Variants in SCYL2 observed in about 807,000 individuals in gnomAD.
SCYL2 encodes SCY1-like protein 2.
A neutral mutation model predicts 100.4 loss-of-function variants in SCYL2; 36 were observed. That is an observed-to-expected ratio of 0.36 (90% CI 0.27 to 0.47). SCYL2 has a LOEUF of 0.47. Ranked by LOEUF, SCYL2 falls within the 20% of genes least tolerant of loss-of-function variation. The pLI is 1.00. For synonymous variants in SCYL2, 330 were observed against 359.2 expected (o/e 0.92, Z 0.92); for missense variants, 902 against 1,083.9 (o/e 0.83, Z 2.36).
intron 1 of SCYL2, among the ~76,000 whole-genome samples, chr12:100,273,168 A>G (rs571618635): frequency 4.6e-4 from 70 of 151,998 alleles, no homozygotes; most frequent in Non-Finnish European, 7.2e-4. Context: ...TTACTACTCA[A>G]TGTCCTTGGT....
intron 8 of SCYL2, among the ~76,000 whole-genome samples, chr12:100,314,905 A>G (rs17030087): frequency 0.025 from 3,781 of 152,270 alleles, 150 homozygotes; most frequent in African/African-American, 0.086. Context: ...TTGTCTCACC[A>G]GCAGTTAAAG....
chr12:100,288,908 A>G (rs190982986), intron 2 of SCYL2, among the ~76,000 whole-genome samples: 74 of 151,816 alleles, frequency 4.9e-4, no homozygotes, highest in Admixed American at 1.9e-3. Context: ...TTGAGATGGA[A>G]TCTCACTGTG....
At chr12:100,329,814 G>A (rs139867782) in intron 13 of SCYL2, among the ~76,000 whole-genome samples, 2 of 152,264 alleles carry the variant, frequency 1.3e-5, no homozygotes, top group Non-Finnish European at 2.9e-5. Context: ...ACTTCTAAGC[G>A]CACTTACGTG....
At chr12:100,315,771 T>TA (rs1435882237) in intron 9 of SCYL2, 37 bp downstream of exon 9, 14 of 1,326,626 alleles carry the variant, frequency 1.1e-5, no homozygotes, top group Non-Finnish European at 1.5e-5. Context: ...TATCTACTGT[T>TA]ATTTATGATT....
At chr12:100,311,255 G>A in intron 5 of SCYL2, 62 bp downstream of exon 5, 1 of 1,511,780 alleles carries the variant, frequency 6.6e-7, no homozygotes, top group Non-Finnish European at 8.9e-7. Context: ...CATCTGGAAT[G>A]GACTAGAAAT....
intron 10 of SCYL2, among the ~76,000 whole-genome samples, chr12:100,322,394 GA>G (rs1240542286): frequency 7.8e-6 from 1 of 128,804 alleles, no homozygotes; most frequent in Non-Finnish European, 1.7e-5. Context: ...AAAAAAAAAA[GA>G]AAACTAAAAA....
intron 1 of SCYL2, among the ~76,000 whole-genome samples, chr12:100,277,318 C>G (rs1387211443): frequency 6.6e-6 from 1 of 152,196 alleles, no homozygotes; most frequent in African/African-American, 2.4e-5. Flanking sequence ...TGATTTTTCT[C>G]TCTGCTTCGT....
rs773015265 is a variant in SCYL2 at position 100,335,901 on chromosome 12, A to G, written c.2020A>G (p.Lys674Glu). 1.9e-6 allele frequency: 3 copies of G among 1,610,274 alleles called. No homozygotes were observed. Among genetic ancestry groups the G allele is most frequent in the African/African-American group, 2.7e-5 (2 of 74,960 alleles). ...AGAGGACGGGTTACAGAATAAACAT[A>G]AAAGAGTGAGTTTCCTTACTGTTCT... ...NKEDGLQNKHKRASLTLEEKQ... is the reference protein window; with the variant it reads ...NKEDGLQNKHERASLTLEEKQ... The change falls in exon 16 of 18, where the codon AAA becomes GAA. Residue 674 changes from lysine (K) to glutamate (E), a missense_variant. By Grantham distance (56) the Lys-to-Glu change is moderately conservative. Transcript: ENST00000360820.
intron 3 of SCYL2, among the ~76,000 whole-genome samples, chr12:100,292,889 C>G (rs2096312285): frequency 2.6e-5 from 4 of 152,216 alleles, no homozygotes; most frequent in Admixed American, 6.5e-5. Context: ...GCCATCATAG[C>G]TCACTGCAGC....
At chr12:100,316,228 A>C (rs997703692) in intron 9 of SCYL2, among the ~76,000 whole-genome samples, 5 of 152,232 alleles carry the variant, frequency 3.3e-5, no homozygotes, top group Non-Finnish European at 7.3e-5. Flanking sequence ...TAATGTGTAT[A>C]TGTATTGTAA....
rs1952352433 is a variant in SCYL2 at position 100,341,494 on chromosome 12, A to C, written c.*2322A>C. ...GTGTGATATATAGAGAGGATGTATA[A>C]AAGGAAATGGAAATAGACTATGTAC... is the stretch of plus-strand genomic sequence containing the variant. On this transcript the variant is annotated 3_prime_UTR_variant, in exon 18 of 18. Transcript: ENST00000360820. The C allele has an allele frequency of 6.6e-6, 1 of 152,166 alleles. No individual in the cohort carries two copies. The highest frequency in any genetic ancestry group is 2.1e-4 in the South Asian group (1 of 4,832). 9.4% of individuals were successfully genotyped at this position (152,166 alleles called of 1,614,324 possible). A position where few individuals can be genotyped will look rare whatever the true frequency, so the allele number is the denominator to read the frequency against.
rs117356610 is a variant in SCYL2, at chr12:100,339,044, G to A, written c.2662G>A (p.Val888Met). Residue 888 changes from valine to methionine, a missense_variant, in exon 18 of 18, where the codon GTG (valine) becomes ATG (methionine). Val to Met is a conservative substitution (Grantham distance 21). Transcript: ENST00000360820. ...GSSVMGTQMN[V>M]IGQSAFGMQG... ...TTCAGTAATGGGGACACAGATGAAC[G>A]TGATAGGACAATCTGCTTTTGGTAT... 4.0e-3 allele frequency: 6,521 copies of A among 1,614,124 alleles called. 21 individuals carry two copies. Among genetic ancestry groups the A allele is most frequent in the Non-Finnish European group, 5.1e-3 (6,037 of 1,179,976 alleles).
intron 13 of SCYL2, among the ~76,000 whole-genome samples, chr12:100,330,732 G>A (rs564816227): frequency 2.0e-5 from 3 of 152,164 alleles, no homozygotes; most frequent in Admixed American, 2.0e-4. Flanking sequence ...GCAGAGTTTT[G>A]GAGGTAGAGA....
chr12:100,330,363 G>A (rs1952193799), intron 13 of SCYL2, among the ~76,000 whole-genome samples: 1 of 152,106 alleles, frequency 6.6e-6, no homozygotes, highest in Admixed American at 6.5e-5. Flanking sequence ...TACCTCTATC[G>A]CTGTTTGTCA....
intron 4 of SCYL2, among the ~76,000 whole-genome samples, chr12:100,309,817 C>A (rs570360189): frequency 6.6e-6 from 1 of 152,282 alleles, no homozygotes; most frequent in East Asian, 1.9e-4. Context: ...CTGGATCATA[C>A]ACTGATTCTA....
intron 1 of SCYL2, among the ~76,000 whole-genome samples, chr12:100,280,635 A>C (rs2135821667): frequency 6.6e-6 from 1 of 152,326 alleles, no homozygotes. Flanking sequence ...AATTATTAAT[A>C]CAGGTTGAAT....
intron 10 of SCYL2, among the ~76,000 whole-genome samples, chr12:100,323,291 T>C (rs2096358203): frequency 6.6e-6 from 1 of 152,178 alleles, no homozygotes; most frequent in Non-Finnish European, 1.5e-5. Flanking sequence ...CACTAGTTAT[T>C]ATGACCTAGT....
At chr12:100,287,223 G>A (rs2096305342) in intron 2 of SCYL2, among the ~76,000 whole-genome samples, 1 of 152,136 alleles carries the variant, frequency 6.6e-6, no homozygotes. Context: ...TAAGTATCTT[G>A]TTATCAACAG....
At chr12:100,284,341 A>G (rs79798314) in intron 2 of SCYL2, among the ~76,000 whole-genome samples, 111 of 152,272 alleles carry the variant, frequency 7.3e-4, no homozygotes, top group African/African-American at 2.6e-3. Flanking sequence ...GGATTTTCTT[A>G]GGGAACTTTT....
Sources: gnomAD v4.1 joint callset for allele counts (sites outside exome capture counted in the v4.1 genomes callset) on GRCh38, gnomAD v4.1.1 for gene constraint, MANE v1.5 for transcripts, NCBI Gene and HGNC (gene_info 2026-07-23, HGNC 2026-07-21) for gene names.